Variants in IL1RAPL2 observed in about 807,000 individuals in gnomAD.
The protein encoded by IL1RAPL2 is interleukin 1 receptor accessory protein like 2.
A neutral mutation model predicts 44.1 loss-of-function variants in IL1RAPL2; 3 were observed. That is an observed-to-expected ratio of 0.07 (90% confidence interval 0.03 to 0.18). The LOEUF is 0.18. Among genes scored for constraint, IL1RAPL2 ranks in the 10% least tolerant of loss-of-function variants. The probability of loss-of-function intolerance (pLI) is 1.00; values close to 1 mark genes in which losing one functional copy is unlikely to be tolerated. For synonymous variants in IL1RAPL2, 181 were observed against 178.8 expected, an observed-to-expected ratio of 1.01 and a Z score of -0.10; for missense variants, 391 against 496.4, an observed-to-expected ratio of 0.79 and a Z score of 2.02.
rs770479881 is a variant in IL1RAPL2, at chrX:105,358,801, A to T, written c.697+91260A>T. 5.4e-5 allele frequency among the ~76,000 whole-genome samples: 6 copies of T among 111,765 alleles called. No individual in the cohort carries two copies. The South Asian group carries it at 1.9e-3, about 35-fold the overall frequency. Reference sequence around the variant, plus strand: ...AATCCAGAATCTTCATCGAATAACTATGGTGTGTCGCATTCTAAGGGAGTA... The same window carrying T: ...AATCCAGAATCTTCATCGAATAACTTTGGTGTGTCGCATTCTAAGGGAGTA... On this transcript the variant is annotated intron_variant, in intron 5 of 10. Transcript: ENST00000372582.
intron 2 of IL1RAPL2, among the ~76,000 whole-genome samples, chrX:105,152,076 A>G (rs182847004): frequency 9.0e-6 from 1 of 110,688 alleles, no homozygotes; most frequent in African/African-American, 3.3e-5. Context: ...GGGTACACCA[A>G]ATTCTCACAA....
intron 2 of IL1RAPL2, among the ~76,000 whole-genome samples, chrX:105,038,477 G>C (rs940204057): frequency 8.9e-5 from 10 of 111,859 alleles, no homozygotes; most frequent in African/African-American, 3.3e-4. Context: ...ATGCACACTA[G>C]TGCATGGTGT....
intron 6 of IL1RAPL2, among the ~76,000 whole-genome samples, chrX:105,527,973 C>T (rs976381891): frequency 1.3e-4 from 15 of 111,976 alleles, no homozygotes; most frequent in African/African-American, 3.9e-4. Context: ...TCCTCTTGGA[C>T]GCCACTGGTC....
chrX:105,666,082 G>GT lies in IL1RAPL2; in HGVS notation c.773-51270dup, dbSNP rs11296820. ...CGGCCGTAATAGTTTTTAAAAATGG[G>GT]TTTTTTTTTTTTTTTGCTGTTTTGA... On this transcript the variant is annotated intron_variant, in intron 6 of 10. Coordinates refer to ENST00000372582, the MANE Select transcript of IL1RAPL2 (RefSeq NM_017416.2). 7.0e-3 allele frequency among the ~76,000 whole-genome samples: 687 copies of GT among 98,603 alleles called. 7 individuals are homozygous for GT. Among genetic ancestry groups the GT allele is most frequent in the Admixed American group, 0.026 (231 of 8,969 alleles). The allele number at this position is 98,603 out of a possible 115,157, so 85.6% of individuals were successfully genotyped here. A position where few individuals can be genotyped will look rare whatever the true frequency, so the allele number is the denominator to read the frequency against.
At chrX:104,605,887 G>C (rs1378841826) in intron 1 of IL1RAPL2, among the ~76,000 whole-genome samples, 2 of 111,598 alleles carry the variant, frequency 1.8e-5, no homozygotes, top group African/African-American at 6.5e-5. Context: ...TTCTACCAGA[G>C]GTACAAAAGG....
chrX:105,202,828 C>G (rs1556147666), intron 3 of IL1RAPL2, among the ~76,000 whole-genome samples: 1 of 112,039 alleles, frequency 8.9e-6, no homozygotes, highest in Non-Finnish European at 1.9e-5. Flanking sequence ...ATGCCTGCAT[C>G]CTTGCAGCTA....
intron 2 of IL1RAPL2, among the ~76,000 whole-genome samples, chrX:105,044,780 T>A (rs2031815174): frequency 9.0e-6 from 1 of 111,432 alleles, no homozygotes; most frequent in Admixed American, 9.6e-5. Flanking sequence ...GAAGGTTTAC[T>A]CTTTGGGGAG....
At chrX:105,068,728 G>T (rs1398012387) in intron 2 of IL1RAPL2, among the ~76,000 whole-genome samples, 2 of 111,551 alleles carry the variant, frequency 1.8e-5, no homozygotes, top group East Asian at 5.6e-4. Flanking sequence ...GTAGTGTTAG[G>T]TTGACATCCA....
intron 2 of IL1RAPL2, among the ~76,000 whole-genome samples, chrX:105,105,538 C>T (rs896070083): frequency 8.9e-6 from 1 of 112,328 alleles, no homozygotes; most frequent in Non-Finnish European, 1.9e-5. Context: ...ACTTTACTAC[C>T]CGTTGGGCTC....
intron 2 of IL1RAPL2, among the ~76,000 whole-genome samples, chrX:104,707,565 T>C (rs1931383277): frequency 9.4e-6 from 1 of 106,250 alleles, no homozygotes; most frequent in African/African-American, 3.3e-5. Context: ...ACTGGGATGA[T>C]AATTTTATTG....
intron 1 of IL1RAPL2, among the ~76,000 whole-genome samples, chrX:104,596,987 G>A (rs1453649448): frequency 9.0e-6 from 1 of 111,002 alleles, no homozygotes; most frequent in African/African-American, 3.3e-5. Flanking sequence ...ACATGTACGA[G>A]TTTGGGTATC....
At chrX:105,229,180 A>G (rs782174002) in intron 3 of IL1RAPL2, among the ~76,000 whole-genome samples, 43 of 112,161 alleles carry the variant, frequency 3.8e-4, no homozygotes, top group Non-Finnish European at 7.3e-4. Flanking sequence ...GTTGCAGGAA[A>G]TATTTTAAAT....
intron 2 of IL1RAPL2, among the ~76,000 whole-genome samples, chrX:104,772,092 A>AG (rs763701161): frequency 2.1e-3 from 229 of 111,332 alleles, no homozygotes; most frequent in Non-Finnish European, 3.8e-3. Flanking sequence ...ATAATATAAG[A>AG]GGGATGGGCT....
intron 2 of IL1RAPL2, among the ~76,000 whole-genome samples, chrX:105,183,020 T>C (rs2033548625): frequency 9.0e-6 from 1 of 110,952 alleles, no homozygotes; most frequent in African/African-American, 3.3e-5. Context: ...GGACTGGGCA[T>C]GGTGGTCCCT....
At chrX:104,943,668 C>T (rs1254076752) in intron 2 of IL1RAPL2, among the ~76,000 whole-genome samples, 1 of 111,592 alleles carries the variant, frequency 9.0e-6, no homozygotes, top group African/African-American at 3.3e-5. Context: ...TTCTTAGTGA[C>T]AGCCACATCA....
chrX:104,770,651 C>T (rs746806572), intron 2 of IL1RAPL2, among the ~76,000 whole-genome samples: 40 of 112,035 alleles, frequency 3.6e-4, no homozygotes, highest in Admixed American at 2.8e-4. Flanking sequence ...TGATTTAAAG[C>T]GAGAGTCTGA....
intron 2 of IL1RAPL2, among the ~76,000 whole-genome samples, chrX:104,982,532 A>G (rs1407556975): frequency 9.0e-6 from 1 of 111,368 alleles, no homozygotes; most frequent in Non-Finnish European, 1.9e-5. Context: ...TGCCTGAGGC[A>G]TAATCATTGG....
chrX:105,720,715 A>ATAGC (rs1344748992), intron 7 of IL1RAPL2, among the ~76,000 whole-genome samples: 1 of 111,041 alleles, frequency 9.0e-6, no homozygotes, highest in African/African-American at 3.3e-5. Flanking sequence ...TCTTGCCTGA[A>ATAGC]TAGCTAGACA....
rs567598294 is a variant in IL1RAPL2 at position 104,930,164 on chromosome X, A to G, written c.83-265311A>G. ...TCTCTGTAACAGAAATTCTGCTACA[A>G]TGGTCTTTCTTCTATCCTATGACCA... On this transcript the variant is annotated intron_variant, in intron 2 of 10. Transcript: ENST00000372582. Among the ~76,000 whole-genome samples the G allele has an allele frequency of 1.9e-4, 21 of 112,436 alleles. No homozygotes were observed. The South Asian group carries it at 4.4e-3, about 24-fold the overall frequency.
Sources: gnomAD v4.1 joint callset for allele counts (sites outside exome capture counted in the v4.1 genomes callset) on GRCh38, gnomAD v4.1.1 for gene constraint, MANE v1.5 for transcripts, NCBI Gene and HGNC (gene_info 2026-07-23, HGNC 2026-07-21) for gene names.